Variants in OLFM3 observed in about 807,000 individuals in gnomAD.
OLFM3 encodes olfactomedin 3.
OLFM3 carries 20 observed loss-of-function variants against 48.6 expected under a neutral mutation model. That is an observed-to-expected ratio of 0.41 (90% confidence interval 0.29 to 0.60). The LOEUF (loss-of-function observed/expected upper bound fraction) is 0.60, where lower values mean the gene tolerates loss of function less well. Among genes scored for constraint, OLFM3 ranks in the 20% least tolerant of loss-of-function variants. The pLI is 0.28. For synonymous variants in OLFM3, 222 were observed against 198.1 expected (o/e 1.12, Z -1.01); for missense variants, 437 against 544.3 (o/e 0.80, Z 1.96).
chr1:101,973,504 T>C (rs971034106), intron 1 of OLFM3, among the ~76,000 whole-genome samples: 2 of 152,220 alleles, frequency 1.3e-5, no homozygotes, highest in Non-Finnish European at 2.9e-5. Flanking sequence ...CAAACATACC[T>C]AGAAATAATG....
intron 4 of OLFM3, among the ~76,000 whole-genome samples, chr1:101,810,099 T>A (rs1401377708): frequency 1.3e-5 from 2 of 151,922 alleles, no homozygotes; most frequent in African/African-American, 2.4e-5. Flanking sequence ...GGGGTGTAAC[T>A]GTCTTCGTAT....
At chr1:101,810,962 T>C (rs1654018262) in intron 4 of OLFM3, among the ~76,000 whole-genome samples, 1 of 151,798 alleles carries the variant, frequency 6.6e-6, no homozygotes, top group African/African-American at 2.4e-5. Context: ...AGTTAAATGA[T>C]TACAATCTTG....
chr1:101,866,253 T>A (rs1345829570), intron 1 of OLFM3, among the ~76,000 whole-genome samples: 2 of 152,170 alleles, frequency 1.3e-5, no homozygotes, highest in African/African-American at 4.8e-5. Flanking sequence ...AGATCACTAC[T>A]TTTTTATTTT....
At chr1:101,982,664 T>C (rs1295642804) in intron 1 of OLFM3, among the ~76,000 whole-genome samples, 1 of 152,196 alleles carries the variant, frequency 6.6e-6, no homozygotes, top group African/African-American at 2.4e-5. Flanking sequence ...ACAATAAGCC[T>C]GAGCAGAAGA....
intron 1 of OLFM3, among the ~76,000 whole-genome samples, chr1:101,862,537 C>G (rs1021989546): frequency 1.3e-5 from 2 of 152,178 alleles, no homozygotes; most frequent in Admixed American, 1.3e-4. Flanking sequence ...ACTTTAGTTA[C>G]TGAAAAGCAC....
intron 4 of OLFM3, 30 bp from the exon 5 acceptor site, chr1:101,806,212 G>C: frequency 6.4e-7 from 1 of 1,558,942 alleles, no homozygotes; most frequent in Non-Finnish European, 8.8e-7. Context: ...AACGTGTTAG[G>C]TGAACGCAGC....
At chr1:101,992,788 A>T (rs1661450723) in intron 1 of OLFM3, among the ~76,000 whole-genome samples, 1 of 152,164 alleles carries the variant, frequency 6.6e-6, no homozygotes, top group Admixed American at 6.6e-5. Flanking sequence ...ACATTCAACA[A>T]TATAATTATT....
chr1:101,824,140 C>T (rs1442943477), intron 4 of OLFM3, among the ~76,000 whole-genome samples: 2 of 151,600 alleles, frequency 1.3e-5, no homozygotes, highest in Non-Finnish European at 3.0e-5. Context: ...TACTTCTCTT[C>T]CCAATTTTCC....
At chr1:101,927,145 G>C (rs1340181416) in intron 1 of OLFM3, among the ~76,000 whole-genome samples, 1 of 152,020 alleles carries the variant, frequency 6.6e-6, no homozygotes, top group Non-Finnish European at 1.5e-5. Context: ...AAATAGAAGA[G>C]ACTGAAAATG....
chr1:101,971,373 G>T (rs1660799451), intron 1 of OLFM3, among the ~76,000 whole-genome samples: 1 of 152,162 alleles, frequency 6.6e-6, no homozygotes. Context: ...CTTTTCAGCT[G>T]GTTTCTGCCA....
rs1653537991 is a variant in OLFM3 at position 101,802,566 on chromosome 1, C to T, written c.*1672G>A. ...GCAAAAAAAGAAATCATTGTTAAAC[C>T]TTGACAGTTTCAAGATTGGGTTATT... On this transcript the variant is annotated 3_prime_UTR_variant, in exon 6 of 6. Coordinates refer to ENST00000370103, the MANE Select transcript of OLFM3 (RefSeq NM_058170.4). The T allele has an allele frequency of 6.6e-6, 1 of 151,516 alleles. No individual in the cohort carries two copies. The highest frequency in any genetic ancestry group is 2.1e-4 in the South Asian group (1 of 4,822). 9.4% of individuals were successfully genotyped at this position (151,516 alleles called of 1,614,324 possible).
intron 1 of OLFM3, among the ~76,000 whole-genome samples, chr1:101,958,176 C>T (rs1168516944): frequency 1.3e-5 from 2 of 152,060 alleles, no homozygotes; most frequent in Non-Finnish European, 2.9e-5. Context: ...ACATTATATG[C>T]TTTACTCAGT....
At chr1:101,889,121 A>G (rs1435855519) in intron 1 of OLFM3, among the ~76,000 whole-genome samples, 3 of 152,192 alleles carry the variant, frequency 2.0e-5, no homozygotes, top group African/African-American at 4.8e-5. Context: ...AGAACTAGAA[A>G]TACCATTTGA....
intron 4 of OLFM3, among the ~76,000 whole-genome samples, chr1:101,815,222 G>A (rs1051488574): frequency 3.9e-5 from 6 of 151,932 alleles, no homozygotes; most frequent in African/African-American, 1.5e-4. Flanking sequence ...TGAGGTGGGC[G>A]GATCACAAGG....
At chr1:101,835,332 T>A (rs1484796760) in intron 2 of OLFM3, among the ~76,000 whole-genome samples, 1 of 152,228 alleles carries the variant, frequency 6.6e-6, no homozygotes, top group Non-Finnish European at 1.5e-5. Context: ...AACTCAAGAA[T>A]AATCATAATT....
intron 5 of OLFM3, 53 bp downstream of exon 5, chr1:101,806,023 A>T: frequency 1.5e-6 from 2 of 1,345,390 alleles, no homozygotes; most frequent in Non-Finnish European, 2.1e-6. Context: ...CAGAAGAGAA[A>T]AAGTGTAAGC....
chr1:101,973,951 C>T (rs1660878892), intron 1 of OLFM3, among the ~76,000 whole-genome samples: 1 of 151,836 alleles, frequency 6.6e-6, no homozygotes, highest in Admixed American at 6.6e-5. Flanking sequence ...AATAATATAG[C>T]TTAGACCATC....
chr1:101,996,007 T>C (rs895995262), intron 1 of OLFM3, among the ~76,000 whole-genome samples: 1 of 152,220 alleles, frequency 6.6e-6, no homozygotes, highest in Non-Finnish European at 1.5e-5. Flanking sequence ...CAAAGGAGTT[T>C]AGCGTTCACT....
chr1:101,984,519 TC>T (rs1160796717), intron 1 of OLFM3, among the ~76,000 whole-genome samples: 1 of 152,120 alleles, frequency 6.6e-6, no homozygotes, highest in Non-Finnish European at 1.5e-5. Flanking sequence ...TGCCTCAGCA[TC>T]CCAAGTAGCT....
Sources: allele counts gnomAD v4.1 joint callset (sites outside exome capture counted in the v4.1 genomes callset), GRCh38; gene constraint gnomAD v4.1.1; transcripts MANE v1.5; gene names NCBI Gene and HGNC (gene_info 2026-07-23, HGNC 2026-07-21).